Variants in DZIP3 observed in about 807,000 individuals in gnomAD.
The protein encoded by DZIP3 is DAZ interacting zinc finger protein 3, also known as E3 ubiquitin-protein ligase DZIP3.
Under a neutral mutation model 162.0 loss-of-function variants are expected in DZIP3, and 118 were observed. The observed-to-expected ratio is 0.73, with a 90% confidence interval of 0.63 to 0.85. The LOEUF (loss-of-function observed/expected upper bound fraction) is 0.85, where lower values mean the gene tolerates loss of function less well. DZIP3 is among the 40% of genes least tolerant of loss of function. DZIP3 has a pLI of 0.00. For missense variants in DZIP3, 1,331 were observed against 1,407.0 expected (o/e 0.95, Z 0.86); for synonymous variants, 438 against 458.6 (o/e 0.96, Z 0.57).
chr3:108,638,137 T>C (rs1000299712), intron 12 of DZIP3, among the ~76,000 whole-genome samples: 7 of 152,194 alleles, frequency 4.6e-5, no homozygotes, highest in Non-Finnish European at 1.0e-4. Flanking sequence ...GCCCAAATCT[T>C]TATATCTAGC....
At chr3:108,597,879 T>C (rs1939791999) in intron 1 of DZIP3, among the ~76,000 whole-genome samples, 1 of 152,236 alleles carries the variant, frequency 6.6e-6, no homozygotes, top group Non-Finnish European at 1.5e-5. Flanking sequence ...TTTACTGTTT[T>C]AGGGCTATGT....
chr3:108,638,921 G>A (rs564139737), intron 12 of DZIP3, among the ~76,000 whole-genome samples: 4 of 152,222 alleles, frequency 2.6e-5, no homozygotes, highest in Admixed American at 6.5e-5. Flanking sequence ...GAACTCATTC[G>A]TGCCATCTCT....
At chr3:108,608,199 A>G in intron 3 of DZIP3, 41 bp downstream of exon 3, 1 of 1,399,566 alleles carries the variant, frequency 7.1e-7, no homozygotes, top group Non-Finnish European at 9.8e-7. Flanking sequence ...TAGTTAATTG[A>G]TAATTAATTA....
intron 17 of DZIP3, 23 bp downstream of exon 17, chr3:108,648,985 TA>T: frequency 9.0e-7 from 1 of 1,112,246 alleles, no homozygotes; most frequent in Non-Finnish European, 1.2e-6. Flanking sequence ...AATAGCATTA[TA>T]ATACTGATTA....
intron 3 of DZIP3, among the ~76,000 whole-genome samples, chr3:108,608,889 G>T (rs1318679415): frequency 2.0e-5 from 3 of 152,144 alleles, no homozygotes; most frequent in Non-Finnish European, 2.9e-5. Context: ...AAGAAAAGAG[G>T]TTTAATTGAA....
Position 108,684,354 on chromosome 3 carries a change from T to C in DZIP3, c.3009+13T>C, listed in dbSNP as rs746095767. ...TAGAGCCCCCCTGGTAAAAGCTTTC[T>C]TGGTGGAATAGATGTTAATTAGTTT... On this transcript the variant is annotated intron_variant, in intron 27 of 32. Transcript: ENST00000361582. The C allele has an allele frequency of 6.2e-7, 1 of 1,604,524 alleles. No homozygotes were observed.
chr3:108,631,093 T>TCTCTCTCTCTCTCTCTCTCTCTCTCTCC (rs1235604547), intron 8 of DZIP3, among the ~76,000 whole-genome samples: 2 of 144,720 alleles, frequency 1.4e-5, no homozygotes, highest in African/African-American at 2.6e-5. Flanking sequence ...TCTCTCTCTC[T>TCTCTCTCTCTCTCTCTCTCTCTCTCTCC]CCTATCCTAC....
chr3:108,693,742 ATCT>A lies in DZIP3; in HGVS notation c.*393_*395del, dbSNP rs1944785025. 6.6e-6 allele frequency: 1 copy of A among 152,130 alleles called. No homozygotes were observed. The highest frequency in any genetic ancestry group is 1.5e-5 in the Non-Finnish European group (1 of 68,002). 9.4% of individuals were successfully genotyped at this position (152,130 alleles called of 1,614,324 possible). A position where few individuals can be genotyped will look rare whatever the true frequency, so the allele number is the denominator to read the frequency against. ...TCACTCGCTCAATTGAATAATTGAG[ATCT>A]TCTGTTCATTTGTTCCTTGGACCTT... On this transcript the variant is annotated 3_prime_UTR_variant, in exon 33 of 33. Transcript: ENST00000361582.
chr3:108,653,515 A>G (rs975535081), intron 18 of DZIP3, among the ~76,000 whole-genome samples: 21,421 of 126,530 alleles, frequency 0.17, 1,719 homozygotes, highest in Non-Finnish European at 0.19. Context: ...GTGTATATAT[A>G]TATATATATA....
chr3:108,685,319 C>G (rs898971608), intron 27 of DZIP3, among the ~76,000 whole-genome samples: 1 of 151,980 alleles, frequency 6.6e-6, no homozygotes, highest in African/African-American at 2.4e-5. Context: ...TTTCTGATTC[C>G]TGGGGTAAAG....
In DZIP3 at chr3:108,669,761, G is replaced by T. The variant is rs780374982; in HGVS notation, c.2492+12G>T. ...CTTTCTATGAAAAGGTACAAACTTA[G>T]CTTTTTCTTTGGGTGCACTCTCTCT... On this transcript the variant is annotated intron_variant, in intron 22 of 32. Coordinates refer to ENST00000361582, the MANE Select transcript of DZIP3 (RefSeq NM_014648.4). 6 of 1,601,162 alleles carry T rather than the reference G, an allele frequency of 3.7e-6. No homozygotes were observed. The East Asian group carries it at 1.3e-4, about 36-fold the overall frequency.
intron 1 of DZIP3, among the ~76,000 whole-genome samples, chr3:108,592,903 CT>C (rs964726750): frequency 6.6e-6 from 1 of 151,996 alleles, no homozygotes; most frequent in African/African-American, 2.4e-5. Flanking sequence ...TATTTGTTGT[CT>C]TACATTATTG....
chr3:108,660,594 T>G (rs1288253658), intron 19 of DZIP3, among the ~76,000 whole-genome samples: 1 of 151,998 alleles, frequency 6.6e-6, no homozygotes, highest in African/African-American at 2.4e-5. Context: ...ACTTCATGTC[T>G]AAAACACCAA....
intron 1 of DZIP3, among the ~76,000 whole-genome samples, chr3:108,590,844 C>G (rs1210649070): frequency 1.3e-5 from 2 of 152,108 alleles, no homozygotes; most frequent in Admixed American, 1.3e-4. Flanking sequence ...GTTCATAGGA[C>G]TGTTCATTCA....
intron 14 of DZIP3, among the ~76,000 whole-genome samples, chr3:108,645,247 T>C (rs1433994741): frequency 6.6e-6 from 1 of 152,176 alleles, no homozygotes; most frequent in Non-Finnish European, 1.5e-5. Context: ...TTGAGTACAG[T>C]TTTATCACTT....
At chr3:108,675,936 G>T in intron 25 of DZIP3, 63 bp downstream of exon 25, 1 of 1,388,246 alleles carries the variant, frequency 7.2e-7, no homozygotes, top group Non-Finnish European at 1.0e-6. Context: ...AAAGTTAGAA[G>T]ACATATTAGT....
chr3:108,693,333 C>T (rs948926185), intron 32 of DZIP3, 27 bp from the exon 33 acceptor site: 3 of 151,778 alleles, frequency 2.0e-5, no homozygotes, highest in African/African-American at 7.3e-5. Flanking sequence ...CTCAATATTC[C>T]CCATTCTTTT....
At chr3:108,628,783 C>T (rs1362261697) in intron 7 of DZIP3, among the ~76,000 whole-genome samples, 1 of 152,068 alleles carries the variant, frequency 6.6e-6, no homozygotes, top group Non-Finnish European at 1.5e-5. Flanking sequence ...TCAAGGCCTC[C>T]AAGACAGTTT....
chr3:108,633,345 T>G (rs1941973496), intron 9 of DZIP3, among the ~76,000 whole-genome samples: 1 of 151,910 alleles, frequency 6.6e-6, no homozygotes. Flanking sequence ...ATAAGTATTA[T>G]TCCTGCAGTC....
Sources: gnomAD v4.1 joint callset for allele counts (sites outside exome capture counted in the v4.1 genomes callset) on GRCh38, gnomAD v4.1.1 for gene constraint, MANE v1.5 for transcripts, NCBI Gene and HGNC (gene_info 2026-07-23, HGNC 2026-07-21) for gene names.